Variants in AP3D1 observed in about 807,000 individuals in gnomAD.
AP3D1 encodes adaptor related protein complex 3 subunit delta 1, also known as AP-3 complex subunit delta-1.
In AP3D1, 51 loss-of-function variants were observed where a neutral mutation model predicts 147.6. The observed-to-expected ratio is 0.35, with a 90% confidence interval of 0.28 to 0.44. The LOEUF (loss-of-function observed/expected upper bound fraction) is 0.44, where lower values mean the gene tolerates loss of function less well. Ranked by LOEUF, AP3D1 falls within the 20% of genes least tolerant of loss-of-function variation. The pLI, the probability that AP3D1 is intolerant of heterozygous loss-of-function variation, is 1.00. For missense variants in AP3D1, 1,421 were observed against 1,624.2 expected (o/e 0.87, Z 2.15); for synonymous variants, 760 against 663.0 (o/e 1.15, Z -2.25).
At chr19:2,139,276 C>T (rs2144519836) in intron 1 of AP3D1, among the ~76,000 whole-genome samples, 1 of 152,154 alleles carries the variant, frequency 6.6e-6, no homozygotes, top group Non-Finnish European at 1.5e-5. Flanking sequence ...GCACAGCATT[C>T]CGCTATACAC....
At chr19:2,113,751 T>C (rs56225081) in intron 22 of AP3D1, among the ~76,000 whole-genome samples, 19,536 of 152,296 alleles carry the variant, frequency 0.13, 1,364 homozygotes, top group Non-Finnish European at 0.16. Flanking sequence ...TGCAAACACA[T>C]GCTCCTTTGA....
chr19:2,146,068 A>G (rs969191186), intron 1 of AP3D1, among the ~76,000 whole-genome samples: 3 of 152,006 alleles, frequency 2.0e-5, no homozygotes, highest in African/African-American at 2.4e-5. Context: ...GAGTCCATTC[A>G]TAAAACGACC....
chr19:2,117,291 C>G lies in AP3D1; in HGVS notation c.1790G>C (p.Ser597Thr). The G allele has an allele frequency of 6.2e-7, 1 of 1,612,940 alleles. No homozygotes were observed. Among genetic ancestry groups the G allele is most frequent in the Non-Finnish European group, 8.5e-7 (1 of 1,179,780 alleles). Residue 597 changes from serine (S) to threonine (T), a missense_variant, in exon 16 of 32, where the codon AGC becomes ACC. Physicochemically the swap from Ser to Thr is moderately conservative, Grantham distance 58. This residue lies in a region of AP3D1 where 310 missense variants were observed against 388.1 expected (regional missense o/e 0.80). Transcript: ENST00000643116. ...GTTCAGCTCCCCAGCAAAGAGAGCG[C>G]TGACCTCCTCTGCCACAGGCACGTC... Reference protein sequence around the residue: ...AKDVPVAEEVSALFAGELNPV... With the variant: ...AKDVPVAEEVTALFAGELNPV...
At chr19:2,110,594 G>C in intron 27 of AP3D1, 113 bp downstream of exon 27, 1 of 1,187,478 alleles carries the variant, frequency 8.4e-7, no homozygotes, top group Non-Finnish European at 1.2e-6. Flanking sequence ...TGCAGCCTGG[G>C]GACAAAGGGG....
chr19:2,114,708 A>G (rs1178718837), intron 21 of AP3D1, 40 bp downstream of exon 21: 1 of 1,498,006 alleles, frequency 6.7e-7, no homozygotes, highest in South Asian at 1.1e-5. Flanking sequence ...AAGCAACCAC[A>G]TGTGGCCTCC....
At chr19:2,111,977 C>G in intron 24 of AP3D1, 149 bp from the exon 25 acceptor site, 1 of 1,297,088 alleles carries the variant, frequency 7.7e-7, no homozygotes, top group East Asian at 2.4e-5. Flanking sequence ...CTCAGGCCTA[C>G]CGGGACAAGC....
At chr19:2,109,557 G>T in intron 29 of AP3D1, 1 of 484,294 alleles carries the variant, frequency 2.1e-6, no homozygotes. Context: ...AGGGGGTGCC[G>T]CACGCCAAGC....
chr19:2,112,263 G>A, intron 24 of AP3D1: 1 of 199,582 alleles, frequency 5.0e-6, no homozygotes, highest in Non-Finnish European at 1.0e-5. Context: ...TCAGCACAGT[G>A]TGGCCCATCC....
intron 1 of AP3D1, among the ~76,000 whole-genome samples, chr19:2,163,123 G>C (rs1262588662): frequency 6.6e-6 from 1 of 152,118 alleles, no homozygotes; most frequent in Non-Finnish European, 1.5e-5. Flanking sequence ...GCCCAGGCCG[G>C]AGTGCAGTGG....
rs1194763066 is a variant in AP3D1 at position 2,116,660 on chromosome 19, T to G, written c.1946A>C (p.Glu649Ala). ...CGGCCGGTGCTTGGGACGCCGCTGC[T>G]CCTCCTCGTGGAAGACGGCCCTGGG... is the stretch of plus-strand genomic sequence containing the variant. ...ERPRAVFHEEEQRRPKHRPSE... is the reference protein window; with the variant it reads ...ERPRAVFHEEAQRRPKHRPSE... The change falls in exon 17 of 32, where the codon GAG becomes GCG. Residue 649 changes from glutamate to alanine, a missense_variant. This residue lies in a region of AP3D1 where 791 missense variants were observed against 761.4 expected (regional missense o/e 1.04). Transcript: ENST00000643116. 1 of 1,606,888 alleles carries G rather than the reference T, an allele frequency of 6.2e-7. No individual in the cohort carries two copies. The highest frequency in any genetic ancestry group is 8.5e-7 in the Non-Finnish European group (1 of 1,177,038).
intron 3 of AP3D1, 86 bp downstream of exon 3, chr19:2,137,641 T>G (rs1274623056): frequency 7.2e-6 from 8 of 1,112,268 alleles, no homozygotes; most frequent in South Asian, 1.3e-5. Context: ...GTCTCAAGAA[T>G]AATAATAATA....
intron 10 of AP3D1, 118 bp downstream of exon 10, chr19:2,123,712 C>T (rs971576495): frequency 1.2e-5 from 16 of 1,290,988 alleles, no homozygotes; most frequent in East Asian, 7.6e-5. Context: ...CCTCCCAAGC[C>T]GCAAGATGGC....
rs1430235938 is a variant in AP3D1, at chr19:2,151,311, G to A, written c.24C>T (p.Gly8=). ...TCTTGTCGAACATGCGGTCGATGCT[G>A]CCCTTCACCATCTTGAGGGCCATCG... The part of the protein sequence containing the change: MALKMVK[G]SIDRMFDKNL... The change falls in exon 1 of 32, where the codon GGC becomes GGT. Residue 8 remains glycine (G), a synonymous_variant. Coordinates refer to ENST00000643116, the MANE Select transcript of AP3D1 (RefSeq NM_001261826.3). The A allele has an allele frequency of 3.7e-6, 6 of 1,608,764 alleles. No homozygotes were observed. Among genetic ancestry groups the A allele is most frequent in the African/African-American group, 1.3e-5 (1 of 74,152 alleles).
intron 8 of AP3D1, 81 bp from the exon 9 acceptor site, chr19:2,127,282 G>A (rs2018783657): frequency 1.3e-6 from 2 of 1,489,578 alleles, no homozygotes; most frequent in African/African-American, 1.4e-5. Context: ...CAGCTCAGCT[G>A]GAGACGGCCT....
Position 2,112,875 on chromosome 19 carries a change from C to A in AP3D1, c.2772G>T (p.Gly924=). The A allele has an allele frequency of 6.2e-7, 1 of 1,611,848 alleles. No homozygotes were observed. Among genetic ancestry groups the A allele is most frequent in the Non-Finnish European group, 8.5e-7 (1 of 1,178,976 alleles). Residue 924 remains glycine, a synonymous_variant, in exon 24 of 32, where the codon GGG becomes GGT. Coordinates refer to ENST00000643116, the MANE Select transcript of AP3D1 (RefSeq NM_001261826.3). ...EAQGEEDDAE[G]QDQDKKSPKP... ...ACAGCCTCACCTTGTCCTGGTCTTG[C>A]CCCTCGGCATCGTCCTCCTCGCCCT...
chr19:2,111,268 G>C lies in AP3D1; in HGVS notation c.2985+17C>G. 2 of 1,613,822 alleles carry C rather than the reference G, an allele frequency of 1.2e-6. No individual in the cohort carries two copies. The highest frequency in any genetic ancestry group is 2.2e-5 in the South Asian group (2 of 91,062). On this transcript the variant is annotated intron_variant, in intron 26 of 31. Transcript: ENST00000643116. Reference sequence around the variant, plus strand: ...GTGGGCTGGCCCACCCTGCCCCTGGGAGCGGCTGCCACTCACCATTTTAAC... The same window carrying C: ...GTGGGCTGGCCCACCCTGCCCCTGGCAGCGGCTGCCACTCACCATTTTAAC...
At chr19:2,163,654 G>A (rs1434482634) in intron 1 of AP3D1, among the ~76,000 whole-genome samples, 1 of 152,082 alleles carries the variant, frequency 6.6e-6, no homozygotes, top group South Asian at 2.1e-4. Context: ...CTCCTGGGAC[G>A]GGATTCGAAC....
At chr19:2,130,382 C>G in intron 6 of AP3D1, 26 bp downstream of exon 6, 1 of 1,613,476 alleles carries the variant, frequency 6.2e-7, no homozygotes. Flanking sequence ...ACCCTCAACC[C>G]TGAGGCTTAA....
chr19:2,161,325 C>T (rs2019696626), intron 1 of AP3D1, among the ~76,000 whole-genome samples: 1 of 151,882 alleles, frequency 6.6e-6, no homozygotes, highest in African/African-American at 2.4e-5. Context: ...CCATGCCTGG[C>T]TAATTTTTGC....
Sources: gnomAD v4.1 joint callset for allele counts (sites outside exome capture counted in the v4.1 genomes callset) on GRCh38, gnomAD v4.1.1 for gene constraint, gnomAD v4.1.1 regional missense constraint, MANE v1.5 for transcripts, NCBI Gene and HGNC (gene_info 2026-07-23, HGNC 2026-07-21) for gene names.